The following CELF2 variants were observed in gnomAD, a reference collection of about 807,000 sequenced individuals.
The protein encoded by CELF2 is CUGBP Elav-like family member 2, also known as CUG triplet repeat RNA-binding protein 2.
A neutral mutation model predicts 62.6 loss-of-function variants in CELF2; 8 were observed. That is an observed-to-expected ratio of 0.13 (90% CI 0.07 to 0.23). The LOEUF (loss-of-function observed/expected upper bound fraction) is 0.23. CELF2 is among the 10% of genes least tolerant of loss of function. The pLI, the probability that CELF2 is intolerant of heterozygous loss-of-function variation, is 1.00. For missense variants in CELF2, 333 were observed against 671.0 expected, an observed-to-expected ratio of 0.50 and a Z score of 5.56; for synonymous variants, 258 against 250.0, an observed-to-expected ratio of 1.03 and a Z score of -0.30.
the CELF2 span, among the ~76,000 whole-genome samples, chr10:10,722,531 C>T: frequency 9.2e-5 from 14 of 152,130 alleles, no homozygotes; most frequent in African/African-American, 3.1e-4. Flanking sequence ...ACAACTATGT[C>T]CCTTTTTCTT....
chr10:10,789,831 A>C, the CELF2 span, among the ~76,000 whole-genome samples: 2 of 152,012 alleles, frequency 1.3e-5, no homozygotes, highest in African/African-American at 4.8e-5. Context: ...TCTTTAATAG[A>C]TCCATATATA....
chr10:10,856,542 A>C (rs2132981404), intron 1 of CELF2, among the ~76,000 whole-genome samples: 1 of 152,336 alleles, frequency 6.6e-6, no homozygotes, highest in South Asian at 2.1e-4. Context: ...ATTTGATCAG[A>C]TAATAAACAA....
chr10:10,767,553 G>A, the CELF2 span, among the ~76,000 whole-genome samples: 3 of 152,130 alleles, frequency 2.0e-5, no homozygotes, highest in Non-Finnish European at 2.9e-5. Context: ...TGTGACCAGA[G>A]AAAGAGAGAC....
At chr10:10,641,883 A>G in the CELF2 span, among the ~76,000 whole-genome samples, 1 of 152,200 alleles carries the variant, frequency 6.6e-6, no homozygotes, top group African/African-American at 2.4e-5. Flanking sequence ...AGGTTGCATT[A>G]ATTCCCCCTC....
At chr10:11,020,062 T>C (rs2058059661) in intron 1 of CELF2, among the ~76,000 whole-genome samples, 1 of 152,264 alleles carries the variant, frequency 6.6e-6, no homozygotes. Context: ...TACAAAAATT[T>C]AATTTATCCT....
the CELF2 span, among the ~76,000 whole-genome samples, chr10:10,482,604 A>G: frequency 6.6e-6 from 1 of 152,220 alleles, no homozygotes; most frequent in Non-Finnish European, 1.5e-5. Flanking sequence ...TTTTCAAACA[A>G]CAGTGTATTG....
the CELF2 span, among the ~76,000 whole-genome samples, chr10:10,730,838 CCT>C: frequency 6.6e-6 from 1 of 152,152 alleles, no homozygotes; most frequent in African/African-American, 2.4e-5. Flanking sequence ...GTTGTCCAAC[CCT>C]CTCTCAGTGT....
the CELF2 span, among the ~76,000 whole-genome samples, chr10:10,514,929 A>G: frequency 6.6e-6 from 1 of 152,212 alleles, no homozygotes; most frequent in African/African-American, 2.4e-5. Context: ...TCTTCTCATC[A>G]GTAAAATTGG....
chr10:10,521,323 A>C, the CELF2 span, among the ~76,000 whole-genome samples: 1 of 152,182 alleles, frequency 6.6e-6, no homozygotes, highest in African/African-American at 2.4e-5. Context: ...TAAATATGTC[A>C]GGCACTTGAC....
intron 5 of CELF2, among the ~76,000 whole-genome samples, chr10:11,262,668 G>C (rs567348659): frequency 1.3e-5 from 2 of 152,200 alleles, no homozygotes; most frequent in Non-Finnish European, 2.9e-5. Flanking sequence ...TGGCCCATCA[G>C]AGTATTAATT....
intron 1 of CELF2, among the ~76,000 whole-genome samples, chr10:11,060,060 G>A (rs1159762038): frequency 3.3e-5 from 5 of 152,234 alleles, no homozygotes; most frequent in African/African-American, 9.6e-5. Flanking sequence ...AGGAAGAGAA[G>A]TCTAGTAAGA....
the CELF2 span, among the ~76,000 whole-genome samples, chr10:10,604,574 G>A: frequency 3.9e-5 from 6 of 152,144 alleles, no homozygotes; most frequent in Admixed American, 3.3e-4. Flanking sequence ...AAAATAAAAT[G>A]TATTGAATTT....
rs139488023 is a variant in CELF2, at chr10:10,865,364, T to A, written c.54-54600T>A. ...ATATCAACCTGCATTTCAACACTAG[T>A]TATTACATATTCATCTTTTAGAATT... is the stretch of plus-strand genomic sequence containing the variant. On this transcript the variant is annotated intron_variant, in intron 1 of 13. Transcript: ENST00000636488. Among the ~76,000 whole-genome samples, 210 of 152,332 alleles carry A rather than the reference T, an allele frequency of 1.4e-3. 1 individual carries two copies. Among genetic ancestry groups the A allele is most frequent in the East Asian group, 5.4e-3 (28 of 5,184 alleles).
the CELF2 span, among the ~76,000 whole-genome samples, chr10:10,777,558 C>G: frequency 1.3e-5 from 2 of 152,192 alleles, no homozygotes; most frequent in African/African-American, 4.8e-5. Context: ...CCTGCCTCTG[C>G]CTTGACTCAG....
chr10:10,778,251 C>G, the CELF2 span, among the ~76,000 whole-genome samples: 2 of 152,194 alleles, frequency 1.3e-5, no homozygotes, highest in Non-Finnish European at 2.9e-5. Flanking sequence ...GGGACCTTTA[C>G]AACCTGGAGG....
In CELF2 at chr10:10,938,318, G is replaced by A. The variant is rs897184307; in HGVS notation, c.89+18319G>A. ...TAGATTTAACAAAGGGCTGAACAGA[G>A]CAGCCAGTCCAAAGACCCAAATACC... On this transcript the variant is annotated intron_variant, in intron 2 of 13. Coordinates refer to the CELF2 transcript ENST00000636488. This position sits in a 1 kb window ranked among gnomAD's most constrained non-coding sequence, Gnocchi z 4.2. Among the ~76,000 whole-genome samples, 2 of 152,196 alleles carry A rather than the reference G, an allele frequency of 1.3e-5. No individual in the cohort carries two copies. Among genetic ancestry groups the A allele is most frequent in the Non-Finnish European group, 2.9e-5 (2 of 68,034 alleles).
rs773885733 is a variant in CELF2, at chr10:11,290,382, G to A, written c.976+1830G>A. Reference sequence around the variant, plus strand: ...GGACAGAGCCAGTGGGTGGGGGAGAGCGGAGTGGGGGCTCTGTGGTGGACC... The same window carrying A: ...GGACAGAGCCAGTGGGTGGGGGAGAACGGAGTGGGGGCTCTGTGGTGGACC... On this transcript the variant is annotated intron_variant, in intron 9 of 12. Transcript: ENST00000633077. The surrounding 1 kb of genome is among the most constrained non-coding windows in gnomAD (Gnocchi z 4.3). 6.6e-6 allele frequency among the ~76,000 whole-genome samples: 1 copy of A among 152,148 alleles called. No homozygotes were observed. The highest frequency in any genetic ancestry group is 1.5e-5 in the Non-Finnish European group (1 of 68,026).
At chr10:10,751,008 A>G in the CELF2 span, among the ~76,000 whole-genome samples, 6 of 152,226 alleles carry the variant, frequency 3.9e-5, no homozygotes, top group Non-Finnish European at 7.3e-5. Context: ...CCTTCTCAAA[A>G]TAATTGTTTG....
the CELF2 span, among the ~76,000 whole-genome samples, chr10:10,698,345 A>G: frequency 5.3e-5 from 8 of 152,186 alleles, no homozygotes; most frequent in Non-Finnish European, 8.8e-5. Flanking sequence ...ACTGACTTTG[A>G]TCTCCGCTTT....
Sources: gnomAD v4.1 joint callset for allele counts (sites outside exome capture counted in the v4.1 genomes callset) on GRCh38, gnomAD v4.1.1 for gene constraint, Gnocchi (gnomAD v3.1) non-coding constraint, MANE v1.5 for transcripts, NCBI Gene and HGNC (gene_info 2026-07-23, HGNC 2026-07-21) for gene names.